Variants in SLC7A2 observed in about 807,000 individuals in gnomAD.
The protein encoded by SLC7A2 is solute carrier family 7 member 2.
Under a neutral mutation model 58.9 loss-of-function variants are expected in SLC7A2, and 48 were observed. The observed-to-expected ratio is 0.82, with a 90% CI of 0.65 to 1.04. SLC7A2 has a LOEUF of 1.04. Among genes scored for constraint, SLC7A2 ranks in the 50% least tolerant of loss-of-function variants. The probability of loss-of-function intolerance (pLI) is 0.00; values close to 1 mark genes in which losing one functional copy is unlikely to be tolerated. For missense variants in SLC7A2, 1,029 were observed against 818.8 expected, an observed-to-expected ratio of 1.26 and a Z score of -3.13; for synonymous variants, 363 against 314.5, an observed-to-expected ratio of 1.15 and a Z score of -1.63.
At chr8:17,522,356 A>G (rs551270990) in intron 2 of SLC7A2, among the ~76,000 whole-genome samples, 27 of 152,236 alleles carry the variant, frequency 1.8e-4, no homozygotes, top group African/African-American at 5.5e-4. Flanking sequence ...ACACATAGGA[A>G]TTATGGGAGC....
intron 4 of SLC7A2, among the ~76,000 whole-genome samples, chr8:17,545,085 G>A (rs7014136): frequency 0.037 from 5,611 of 152,160 alleles, 338 homozygotes; most frequent in African/African-American, 0.13. Context: ...TTGTAATGTC[G>A]ACATTATATA....
chr8:17,521,739 C>G (rs1194096205), intron 2 of SLC7A2, among the ~76,000 whole-genome samples: 1 of 152,218 alleles, frequency 6.6e-6, no homozygotes, highest in Non-Finnish European at 1.5e-5. Flanking sequence ...GAGCCGAAGC[C>G]TTGAAAACCC....
chr8:17,526,168 G>T (rs931772763), intron 2 of SLC7A2, among the ~76,000 whole-genome samples: 1 of 152,152 alleles, frequency 6.6e-6, no homozygotes, highest in African/African-American at 2.4e-5. Context: ...TCTGAGTTAG[G>T]AACAAGAGGG....
intron 1 of SLC7A2, among the ~76,000 whole-genome samples, chr8:17,501,763 C>T (rs182058323): frequency 1.1e-3 from 160 of 152,046 alleles, no homozygotes; most frequent in African/African-American, 3.6e-3. Flanking sequence ...AATACCCACA[C>T]ACCCATTCTG....
chr8:17,494,348 A>G (rs1481828623), upstream of SLC7A2, among the ~76,000 whole-genome samples: 1 of 152,190 alleles, frequency 6.6e-6, no homozygotes, highest in African/African-American at 2.4e-5. Context: ...ACATGCAAGA[A>G]TGTTTGTGAA....
chr8:17,558,304 C>G lies in SLC7A2; in HGVS notation c.1205C>G (p.Ala402Gly). Residue 402 changes from alanine to glycine, a missense_variant, in exon 9 of 13, where the codon GCC (alanine) becomes GGC (glycine). Coordinates refer to ENST00000494857, the MANE Select transcript of SLC7A2 (RefSeq NM_001370338.1). ...LSSGAVAALM[A>G]FLFDLKALVD... is the part of the protein sequence containing the mutation. ...TTTCTTCTCCCCCTAGCTTTGATGG[C>G]CTTTCTGTTTGACCTGAAGGCGCTT... 1.9e-6 allele frequency: 3 copies of G among 1,611,452 alleles called. No individual in the cohort carries two copies. Among genetic ancestry groups the G allele is most frequent in the Non-Finnish European group, 2.5e-6 (3 of 1,177,906 alleles).
At chr8:17,501,526 C>G (rs905880033) in intron 1 of SLC7A2, among the ~76,000 whole-genome samples, 1 of 152,002 alleles carries the variant, frequency 6.6e-6, no homozygotes, top group Non-Finnish European at 1.5e-5. Context: ...ATGAATCTCT[C>G]TCTTCAGAGA....
chr8:17,556,940 TAAAAG>T (rs1320094659), intron 8 of SLC7A2, among the ~76,000 whole-genome samples: 1 of 152,078 alleles, frequency 6.6e-6, no homozygotes, highest in Non-Finnish European at 1.5e-5. Flanking sequence ...CGCAGTGTGT[TAAAAG>T]AAACACTGTG....
intron 2 of SLC7A2, among the ~76,000 whole-genome samples, chr8:17,512,389 A>G (rs1800640969): frequency 6.6e-6 from 1 of 152,138 alleles, no homozygotes. Flanking sequence ...TCTGCTAAAA[A>G]TACAAAAATT....
At position 17,560,322 on chromosome 8, in the gene SLC7A2, A is replaced by G. The variant is rs1802905739; in HGVS notation, c.1299-6A>G. The G allele has an allele frequency of 6.2e-7, 1 of 1,611,392 alleles. No individual in the cohort carries two copies. Among genetic ancestry groups the G allele is most frequent in the African/African-American group, 1.3e-5 (1 of 74,868 alleles). On this transcript the variant is annotated splice_polypyrimidine_tract_variant and splice_region_variant and intron_variant, in intron 9 of 12. Transcript: ENST00000494857. ...AATAAAGACATAGATGTTTGTTTGGAAATAGGTACCAGCCTGGCTTATCTT... is the reference window on the plus strand; with the variant it reads ...AATAAAGACATAGATGTTTGTTTGGGAATAGGTACCAGCCTGGCTTATCTT...
rs1453347420 is a variant in SLC7A2, at chr8:17,562,064, T to C, written c.1625T>C (p.Leu542Pro). The C allele has an allele frequency of 1.2e-6, 2 of 1,614,046 alleles. No homozygotes were observed. Among genetic ancestry groups the C allele is most frequent in the Non-Finnish European group, 1.7e-6 (2 of 1,180,006 alleles). ...CTTGTTCTCTTCGTTGCCATCGTTC[T>C]CACCATCTGGAGGCAGCCCCAGAAT... is the stretch of plus-strand genomic sequence containing the variant. ...LFLVLFVAIV[L>P]TIWRQPQNQQ... Residue 542 changes from leucine (L) to proline (P), a missense_variant, in exon 11 of 13, where the codon CTC (leucine) becomes CCC (proline). Leu to Pro is a moderately conservative substitution (Grantham distance 98). Coordinates refer to ENST00000494857, the MANE Select transcript of SLC7A2 (RefSeq NM_001370338.1).
At chr8:17,540,893 C>G (rs1246527435) in intron 2 of SLC7A2, among the ~76,000 whole-genome samples, 1 of 152,124 alleles carries the variant, frequency 6.6e-6, no homozygotes, top group African/African-American at 2.4e-5. Flanking sequence ...GATCCTTTCT[C>G]TTTAAATATG....
At chr8:17,534,374 G>C (rs1801576664) in intron 2 of SLC7A2, among the ~76,000 whole-genome samples, 2 of 152,118 alleles carry the variant, frequency 1.3e-5, no homozygotes, top group African/African-American at 2.4e-5. Flanking sequence ...CCTTTTGTAA[G>C]GATGAGCAGT....
chr8:17,543,841 T>C, intron 3 of SLC7A2, 126 bp downstream of exon 3: 1 of 810,156 alleles, frequency 1.2e-6, no homozygotes, highest in Non-Finnish European at 1.8e-6. Context: ...ATTTTTGTCA[T>C]CTCGAAAATG....
intron 2 of SLC7A2, among the ~76,000 whole-genome samples, chr8:17,509,541 A>G (rs972064681): frequency 5.3e-5 from 8 of 152,088 alleles, no homozygotes; most frequent in Non-Finnish European, 8.8e-5. Context: ...CCTGACCTCA[A>G]GTAATCCACC....
At position 17,566,793 on chromosome 8, in the gene SLC7A2, A is replaced by C. The variant is rs950600857; in HGVS notation, c.*1647A>C. On this transcript the variant is annotated 3_prime_UTR_variant, in exon 13 of 13. Coordinates refer to ENST00000494857, the MANE Select transcript of SLC7A2 (RefSeq NM_001370338.1). ...AACTATTTCTCGTACAAATCATTAA[A>C]TAGTTCATTGGATGAGGCTGGGTGA... 2 of 152,180 alleles carry C rather than the reference A, an allele frequency of 1.3e-5. No homozygotes were observed. The highest frequency in any genetic ancestry group is 2.9e-5 in the Non-Finnish European group (2 of 68,036). The allele number at this position is 152,180 out of a possible 1,614,324, so 9.4% of individuals were successfully genotyped here. A position where few individuals can be genotyped will look rare whatever the true frequency, so the allele number is the denominator to read the frequency against.
intron 2 of SLC7A2, among the ~76,000 whole-genome samples, chr8:17,528,009 T>C (rs1801287293): frequency 6.6e-6 from 1 of 151,938 alleles, no homozygotes; most frequent in South Asian, 2.1e-4. Flanking sequence ...TCAGGGGTGA[T>C]TGGGAGCCAT....
upstream of SLC7A2, among the ~76,000 whole-genome samples, chr8:17,495,302 A>G (rs1037789796): frequency 6.6e-6 from 1 of 152,090 alleles, no homozygotes; most frequent in African/African-American, 2.4e-5. Context: ...ACCCTTAAAA[A>G]TTAGACAAAG....
intron 2 of SLC7A2, among the ~76,000 whole-genome samples, chr8:17,532,324 A>C (rs1801494835): frequency 6.8e-6 from 1 of 146,740 alleles, no homozygotes. Flanking sequence ...TCCCCAGGAA[A>C]GCTTCCCTGC....
Sources: allele counts gnomAD v4.1 joint callset (sites outside exome capture counted in the v4.1 genomes callset), GRCh38; gene constraint gnomAD v4.1.1; transcripts MANE v1.5; gene names NCBI Gene and HGNC (gene_info 2026-07-23, HGNC 2026-07-21).